Variants in MAP4 observed in about 807,000 individuals in gnomAD.
MAP4 encodes microtubule associated protein 4, also known as microtubule-associated protein 4.
Under a neutral mutation model 170.2 loss-of-function variants are expected in MAP4, and 76 were observed. The observed-to-expected ratio is 0.45, with a 90% confidence interval of 0.37 to 0.54. The LOEUF is 0.54. Ranked by LOEUF, MAP4 falls within the 20% of genes least tolerant of loss-of-function variation. MAP4 has a pLI of 0.00. For synonymous variants in MAP4, 909 were observed against 994.5 expected, an observed-to-expected ratio of 0.91 and a Z score of 1.62; for missense variants, 2,506 against 2,748.0, an observed-to-expected ratio of 0.91 and a Z score of 1.97.
At chr3:48,010,633 G>A (rs1325822804) in intron 1 of MAP4, among the ~76,000 whole-genome samples, 1 of 152,064 alleles carries the variant, frequency 6.6e-6, no homozygotes. Context: ...TGTTAATACT[G>A]TCAACTTGAT....
intron 1 of MAP4, among the ~76,000 whole-genome samples, chr3:48,071,523 C>G (rs529411465): frequency 6.6e-6 from 1 of 152,184 alleles, no homozygotes; most frequent in East Asian, 1.9e-4. Flanking sequence ...ACTCCAGAGC[C>G]TGGGCAATGG....
chr3:47,887,527 C>T (rs1023244673), intron 10 of MAP4, among the ~76,000 whole-genome samples: 1 of 152,232 alleles, frequency 6.6e-6, no homozygotes. Context: ...GCCTCCCTGA[C>T]AAGCACCACC....
At chr3:47,857,032 C>G (rs774412755) in intron 18 of MAP4, among the ~76,000 whole-genome samples, 1 of 152,244 alleles carries the variant, frequency 6.6e-6, no homozygotes, top group African/African-American at 2.4e-5. Context: ...TGGTTGGGAG[C>G]ACCCTTTGCT....
chr3:47,915,964 G>C lies in MAP4; in HGVS notation c.1863C>G (p.Phe621Leu), dbSNP rs1375614536. The change falls in exon 7 of 21, where the codon TTC becomes TTG. Residue 621 changes from phenylalanine (F) to leucine (L), a missense_variant. Coordinates refer to ENST00000683076, the MANE Select transcript of MAP4 (RefSeq NM_001385682.1). ...ACAAGCACGTACCTGGTGAAATCATGAAAGTAGGTGCAGCTGACTGCCCCA... is the reference window on the plus strand; with the variant it reads ...ACAAGCACGTACCTGGTGAAATCATCAAAGTAGGTGCAGCTGACTGCCCCA... ...QDVGQSAAPT[F>L]MISPETVTGT... is the part of the protein sequence containing the mutation. 6.2e-7 allele frequency: 1 copy of C among 1,611,418 alleles called. No individual in the cohort carries two copies. Among genetic ancestry groups the C allele is most frequent in the South Asian group, 1.1e-5 (1 of 90,444 alleles).
In MAP4 at chr3:47,870,907, C is replaced by T. The variant is rs779922442; in HGVS notation, c.6200G>A (p.Arg2067His). Residue 2067 changes from arginine to histidine, a missense_variant, in exon 15 of 21, where the codon CGC (arginine) becomes CAC (histidine). Around this residue, in one of 3 missense-constraint regions of MAP4, gnomAD observed 487 missense variants for 511.6 expected, o/e 0.95. Transcript: ENST00000683076. Reference sequence around the variant, plus strand: ...AGGAGCAGAAGTATTGGTGGCCAGGCGGCTGAGCCGGGGGGTGGTGGAGCT... The same window carrying T: ...AGGAGCAGAAGTATTGGTGGCCAGGTGGCTGAGCCGGGGGGTGGTGGAGCT... ...KPSSTTPRLSRLATNTSAPDL... is the reference protein window; with the variant it reads ...KPSSTTPRLSHLATNTSAPDL... 4.3e-6 allele frequency: 7 copies of T among 1,613,518 alleles called. No individual in the cohort carries two copies. The highest frequency in any genetic ancestry group is 2.2e-5 in the South Asian group (2 of 90,974).
chr3:47,982,840 C>T (rs1188002683), intron 2 of MAP4, among the ~76,000 whole-genome samples: 1 of 152,092 alleles, frequency 6.6e-6, no homozygotes, highest in African/African-American at 2.4e-5. Context: ...AGAATAAAGT[C>T]TTAAAAGATC....
intron 1 of MAP4, among the ~76,000 whole-genome samples, chr3:48,005,293 G>A (rs575689091): frequency 1.1e-4 from 16 of 152,036 alleles, no homozygotes; most frequent in African/African-American, 1.9e-4. Flanking sequence ...CCCGGGAGGC[G>A]GAGGTTGCAG....
At chr3:48,020,515 A>G (rs2100110023), upstream of MAP4, among the ~76,000 whole-genome samples, 1 of 152,188 alleles carries the variant, frequency 6.6e-6, no homozygotes, top group African/African-American at 2.4e-5. Flanking sequence ...CTATGGGAGT[A>G]CTTAACAAGC....
In MAP4 at chr3:47,916,097, G is replaced by A. The variant is rs774833644; in HGVS notation, c.1730C>T (p.Pro577Leu). 2.8e-5 allele frequency: 46 copies of A among 1,614,080 alleles called. No individual in the cohort carries two copies. Among genetic ancestry groups the A allele is most frequent in the Non-Finnish European group, 3.7e-5 (44 of 1,180,050 alleles). ...ANNVTPAKDV[P>L]PLSETEATPV... Reference sequence around the variant, plus strand: ...TGTTGCCTCTGTTTCTGAGAGTGGTGGAACATCTTTGGCTGGAGTCACATT... The same window carrying A: ...TGTTGCCTCTGTTTCTGAGAGTGGTAGAACATCTTTGGCTGGAGTCACATT... The change falls in exon 7 of 21, where the codon CCA becomes CTA. Residue 577 changes from proline to leucine, a missense_variant. By Grantham distance (98) the Pro-to-Leu change is moderately conservative. Transcript: ENST00000683076.
intron 3 of MAP4, among the ~76,000 whole-genome samples, chr3:47,953,991 G>A (rs1233089814): frequency 6.6e-6 from 1 of 151,594 alleles, no homozygotes; most frequent in Non-Finnish European, 1.5e-5. Flanking sequence ...TCCAGCCTGG[G>A]TGACAGAGTG....
At chr3:48,000,390 T>C (rs1420769845) in intron 1 of MAP4, among the ~76,000 whole-genome samples, 5 of 152,134 alleles carry the variant, frequency 3.3e-5, no homozygotes, top group Non-Finnish European at 5.9e-5. Flanking sequence ...ATATAAGCTA[T>C]GTTGTTGACA....
intron 2 of MAP4, among the ~76,000 whole-genome samples, chr3:47,984,605 G>T (rs1255132771): frequency 6.6e-6 from 1 of 151,922 alleles, no homozygotes; most frequent in East Asian, 1.9e-4. Flanking sequence ...GGTGGGGAGA[G>T]CAGATGGCTT....
At chr3:48,053,598 T>C (rs1171344126) in intron 1 of MAP4, among the ~76,000 whole-genome samples, 4 of 152,210 alleles carry the variant, frequency 2.6e-5, no homozygotes, top group Non-Finnish European at 2.9e-5. Flanking sequence ...CTAAAACTAA[T>C]GACTAAATCT....
intron 2 of MAP4, 32 bp downstream of exon 2, chr3:47,998,606 A>C (rs995021983): frequency 3.9e-6 from 6 of 1,529,016 alleles, no homozygotes; most frequent in Non-Finnish European, 4.5e-6. Flanking sequence ...TGCTTTCTGA[A>C]CATATATAAG....
chr3:47,972,970 G>A (rs752325431), intron 3 of MAP4: 12 of 934,126 alleles, frequency 1.3e-5, no homozygotes, highest in Non-Finnish European at 1.5e-5. Context: ...TAATCCGGGT[G>A]GGATTAGAAG....
intron 1 of MAP4, among the ~76,000 whole-genome samples, chr3:48,049,052 TAAGC>T (rs2100126134): frequency 7.0e-6 from 1 of 143,366 alleles, no homozygotes; most frequent in Admixed American, 7.1e-5. Flanking sequence ...GCTTTTCCAC[TAAGC>T]ACATTACCCT....
At chr3:48,087,280 A>G (rs2100149545) in intron 1 of MAP4, among the ~76,000 whole-genome samples, 1 of 152,240 alleles carries the variant, frequency 6.6e-6, no homozygotes, top group African/African-American at 2.4e-5. Flanking sequence ...TGCACAGTAC[A>G]GATGGGAGTC....
chr3:47,924,388 A>C (rs2100044636), intron 4 of MAP4, among the ~76,000 whole-genome samples: 1 of 152,024 alleles, frequency 6.6e-6, no homozygotes. Flanking sequence ...TAGACCTCTC[A>C]CCTTATTTTC....
upstream of MAP4, among the ~76,000 whole-genome samples, chr3:48,020,045 GA>G (rs894827390): frequency 2.0e-5 from 3 of 152,074 alleles, no homozygotes; most frequent in Non-Finnish European, 4.4e-5. Context: ...GGGTTTTTGA[GA>G]CGGAGATTTT....
Sources: gnomAD v4.1 joint callset for allele counts (sites outside exome capture counted in the v4.1 genomes callset) on GRCh38, gnomAD v4.1.1 for gene constraint, gnomAD v4.1.1 regional missense constraint, MANE v1.5 for transcripts, NCBI Gene and HGNC (gene_info 2026-07-23, HGNC 2026-07-21) for gene names.